The following TNIK variants were observed in gnomAD, a reference collection of about 807,000 sequenced individuals.
TNIK encodes the protein TRAF2 and NCK interacting kinase, also known as TRAF2 and NCK-interacting protein kinase.
TNIK carries 49 observed loss-of-function variants against 191.3 expected under a neutral mutation model. The observed-to-expected ratio is 0.26, with a 90% CI of 0.20 to 0.32. TNIK has a LOEUF of 0.32. TNIK is among the 10% of genes least tolerant of loss of function. The probability of loss-of-function intolerance (pLI) is 1.00; values close to 1 mark genes in which losing one functional copy is unlikely to be tolerated. For missense variants in TNIK, 1,155 were observed against 1,702.3 expected (o/e 0.68, Z 5.66); for synonymous variants, 594 against 600.9 (o/e 0.99, Z 0.17).
chr3:171,160,990 C>T (rs777347563), intron 11 of TNIK, among the ~76,000 whole-genome samples: 69 of 152,180 alleles, frequency 4.5e-4, no homozygotes, highest in Non-Finnish European at 1.5e-4. Context: ...AATTAGCCTT[C>T]TACCCATTCT....
chr3:171,192,021 G>T (rs1738122067), intron 5 of TNIK, among the ~76,000 whole-genome samples: 1 of 152,050 alleles, frequency 6.6e-6, no homozygotes, highest in Non-Finnish European at 1.5e-5. Context: ...GAAAAATGAG[G>T]TTGACAGGAA....
At chr3:171,321,113 G>A (rs553551853) in intron 2 of TNIK, among the ~76,000 whole-genome samples, 2 of 152,116 alleles carry the variant, frequency 1.3e-5, no homozygotes, top group Non-Finnish European at 2.9e-5. Flanking sequence ...CTGGAAGGAC[G>A]GAGAACAACG....
In TNIK at chr3:171,142,640, T is replaced by G. The variant is rs895730545; in HGVS notation, c.1222-2131A>C. 3.3e-5 allele frequency among the ~76,000 whole-genome samples: 5 copies of G among 152,164 alleles called. No individual in the cohort carries two copies. The East Asian group carries it at 9.6e-4, about 29-fold the overall frequency. Reference sequence around the variant, plus strand: ...ACCAGCATGAGGCAAGTCCCAGACATGCAAGTATTTGTTTTACAGAAAAAT... The same window carrying G: ...ACCAGCATGAGGCAAGTCCCAGACAGGCAAGTATTTGTTTTACAGAAAAAT... On this transcript the variant is annotated intron_variant, in intron 12 of 32. Transcript: ENST00000436636.
chr3:171,151,040 T>C (rs1732370940), intron 12 of TNIK, among the ~76,000 whole-genome samples: 1 of 152,254 alleles, frequency 6.6e-6, no homozygotes, highest in South Asian at 2.1e-4. Flanking sequence ...GGTTTTGTGT[T>C]AGGCATTGTG....
Position 171,194,600 on chromosome 3 carries a change from G to A in TNIK, c.342C>T (p.Thr114=), listed in dbSNP as rs763395634. The change falls in exon 5 of 33, where the codon ACC becomes ACT. Residue 114 remains threonine (T), a synonymous_variant. Coordinates refer to ENST00000436636, the MANE Select transcript of TNIK (RefSeq NM_015028.4). ...TACCTTTTGTGTTCTTGATCAGGTC[G>A]GTGACAGAGCCAGCACCACAAAACT... is the stretch of plus-strand genomic sequence containing the variant. ...VMEFCGAGSV[T]DLIKNTKGNT... is the part of the protein sequence containing the mutation. The A allele has an allele frequency of 2.0e-5, 32 of 1,613,678 alleles. No homozygotes were observed. Among genetic ancestry groups the A allele is most frequent in the South Asian group, 5.5e-5 (5 of 91,068 alleles).
At chr3:171,218,669 T>A (rs1741765306) in intron 3 of TNIK, among the ~76,000 whole-genome samples, 1 of 149,230 alleles carries the variant, frequency 6.7e-6, no homozygotes, top group South Asian at 2.1e-4. Flanking sequence ...GGCTTTCTAA[T>A]CTTAATATTG....
chr3:171,173,818 T>C (rs1198353491), intron 9 of TNIK, among the ~76,000 whole-genome samples: 1 of 152,026 alleles, frequency 6.6e-6, no homozygotes, highest in African/African-American at 2.4e-5. Flanking sequence ...TCAGCTCAGA[T>C]ATCAAGCAGG....
chr3:171,405,946 A>C (rs1721612542), intron 1 of TNIK, among the ~76,000 whole-genome samples: 1 of 152,190 alleles, frequency 6.6e-6, no homozygotes, highest in Non-Finnish European at 1.5e-5. Context: ...CATCTGTCTA[A>C]GTCCCCAGAA....
chr3:171,328,177 G>A (rs968336775), intron 2 of TNIK, among the ~76,000 whole-genome samples: 1 of 151,808 alleles, frequency 6.6e-6, no homozygotes, highest in African/African-American at 2.4e-5. Context: ...TATAAAATAG[G>A]TCCCAGAGAA....
chr3:171,228,235 A>G lies in TNIK; in HGVS notation c.124-14T>C, dbSNP rs773629925. 3.7e-6 allele frequency: 6 copies of G among 1,613,444 alleles called. No individual in the cohort carries two copies. In the Admixed American group the frequency reaches 6.7e-5, roughly 18 times the overall value. On this transcript the variant is annotated splice_polypyrimidine_tract_variant and intron_variant, in intron 2 of 32. Coordinates refer to ENST00000436636, the MANE Select transcript of TNIK (RefSeq NM_015028.4). ...GACATGACGACCCTGTGAAGAAAAAATAATAACAAAAGATTTAGTTCTGAT... is the reference window on the plus strand; with the variant it reads ...GACATGACGACCCTGTGAAGAAAAAGTAATAACAAAAGATTTAGTTCTGAT...
At chr3:171,337,255 A>G (rs185417983) in intron 2 of TNIK, among the ~76,000 whole-genome samples, 7 of 152,232 alleles carry the variant, frequency 4.6e-5, no homozygotes, top group Non-Finnish European at 7.4e-5. Context: ...AGACACGAAT[A>G]CCCCTTAGCT....
chr3:171,339,540 T>C (rs912412890), intron 2 of TNIK, among the ~76,000 whole-genome samples: 3 of 152,188 alleles, frequency 2.0e-5, no homozygotes, highest in Admixed American at 6.5e-5. Flanking sequence ...CGTCTGTTTG[T>C]GGAAGTATCC....
At chr3:171,444,797 A>G (rs1727278826) in intron 1 of TNIK, among the ~76,000 whole-genome samples, 1 of 152,222 alleles carries the variant, frequency 6.6e-6, no homozygotes, top group Non-Finnish European at 1.5e-5. Flanking sequence ...AGTTGCACTT[A>G]CCATAAATAA....
rs1576872088 is a variant in TNIK at position 171,063,070 on chromosome 3, CT to C, written c.*810del. ...GAGGGAAAGTTGTGTTAGAGTGTCCCTCCATCGCTAGGCCAGCTCAACTCAA... is the reference window on the plus strand; with the variant it reads ...GAGGGAAAGTTGTGTTAGAGTGTCCCCCATCGCTAGGCCAGCTCAACTCAA... On this transcript the variant is annotated 3_prime_UTR_variant, in exon 33 of 33. Transcript: ENST00000436636. The C allele has an allele frequency of 6.6e-6, 1 of 152,170 alleles. No homozygotes were observed. Among genetic ancestry groups the C allele is most frequent in the East Asian group, 1.9e-4 (1 of 5,202 alleles). The allele number at this position is 152,170 out of a possible 1,614,324, so 9.4% of individuals were successfully genotyped here. A position where few individuals can be genotyped will look rare whatever the true frequency, so the allele number is the denominator to read the frequency against.
chr3:171,204,244 G>A (rs1384349337), intron 4 of TNIK, among the ~76,000 whole-genome samples: 5 of 152,172 alleles, frequency 3.3e-5, no homozygotes, highest in Admixed American at 6.5e-5. Flanking sequence ...GTTGATAAAG[G>A]AGAATTACTT....
intron 12 of TNIK, among the ~76,000 whole-genome samples, chr3:171,152,981 C>T (rs967835633): frequency 1.3e-5 from 2 of 152,056 alleles, no homozygotes; most frequent in African/African-American, 4.8e-5. Context: ...CCGTGTTATC[C>T]AGGATGGTCT....
intron 3 of TNIK, among the ~76,000 whole-genome samples, chr3:171,219,864 C>A (rs1208366388): frequency 1.3e-5 from 2 of 152,070 alleles, no homozygotes; most frequent in Admixed American, 6.6e-5. Flanking sequence ...ACTAGAAATA[C>A]CATTTGACCC....
chr3:171,340,007 A>G (rs192041795), intron 2 of TNIK, among the ~76,000 whole-genome samples: 29 of 152,352 alleles, frequency 1.9e-4, no homozygotes, highest in African/African-American at 6.7e-4. Flanking sequence ...GTTCAAAGAT[A>G]TAACAGCAAG....
At chr3:171,210,851 GAAAA>G (rs11324657) in intron 4 of TNIK, among the ~76,000 whole-genome samples, 2 of 131,424 alleles carry the variant, frequency 1.5e-5, no homozygotes, top group African/African-American at 5.7e-5. Context: ...GTCAATTAGT[GAAAA>G]AAAAAAAAAA....
Sources: gnomAD v4.1 joint callset for allele counts (sites outside exome capture counted in the v4.1 genomes callset) on GRCh38, gnomAD v4.1.1 for gene constraint, MANE v1.5 for transcripts, NCBI Gene and HGNC (gene_info 2026-07-23, HGNC 2026-07-21) for gene names.